Variants in PARD6A observed in about 807,000 individuals in gnomAD.
The protein encoded by PARD6A is partitioning defective 6 homolog alpha.
PARD6A carries 20 observed loss-of-function variants against 21.3 expected under a neutral mutation model. That is an observed-to-expected ratio of 0.94 (90% CI 0.66 to 1.36). The LOEUF (loss-of-function observed/expected upper bound fraction) is 1.36. Among genes scored for constraint, PARD6A ranks in the 40% most tolerant of loss-of-function variants. The pLI, the probability that PARD6A is intolerant of heterozygous loss-of-function variation, is 0.00. For missense variants in PARD6A, 411 were observed against 482.0 expected (o/e 0.85, Z 1.38); for synonymous variants, 214 against 204.8 (o/e 1.04, Z -0.38).
Position 67,662,669 on chromosome 16 carries a change from C to T in PARD6A, c.*22C>T. 2 of 1,517,400 alleles carry T rather than the reference C, an allele frequency of 1.3e-6. No individual in the cohort carries two copies. Among genetic ancestry groups the T allele is most frequent in the Non-Finnish European group, 1.8e-6 (2 of 1,132,898 alleles). 94.0% of individuals were successfully genotyped at this position (1,517,400 alleles called of 1,614,324 possible). A position where few individuals can be genotyped will look rare whatever the true frequency, so the allele number is the denominator to read the frequency against. On this transcript the variant is annotated 3_prime_UTR_variant, in exon 3 of 3. Transcript: ENST00000458121. This position sits in a 1 kb window ranked among gnomAD's most constrained non-coding sequence, Gnocchi z 6.9. ...CTGACAGTCAGGATGAAGCCCCATG[C>T]CACTCCACACTGCTGGGACATGGCA...
Position 67,662,375 on chromosome 16 carries a change from C to G in PARD6A, c.766C>G (p.Arg256Gly), listed in dbSNP as rs145012859. The part of the protein sequence containing the change: ...KPANQRNNVV[R>G]GASGRLTGPP... Reference sequence around the variant, plus strand: ...CGCCAACCAGCGCAATAACGTGGTGCGAGGGGCATCTGGGCGTTTGACAGG... The same window carrying G: ...CGCCAACCAGCGCAATAACGTGGTGGGAGGGGCATCTGGGCGTTTGACAGG... Residue 256 changes from arginine (R) to glycine (G), a missense_variant, in exon 3 of 3, where the codon CGA becomes GGA. Arg to Gly is a moderately radical substitution (Grantham distance 125). Transcript: ENST00000458121. This position sits in a 1 kb window ranked among gnomAD's most constrained non-coding sequence, Gnocchi z 6.9. 1 of 1,613,940 alleles carries G rather than the reference C, an allele frequency of 6.2e-7. No individual in the cohort carries two copies.
Position 67,661,444 on chromosome 16 carries a change from C to G in PARD6A, c.64-11C>G. 2 of 1,605,548 alleles carry G rather than the reference C, an allele frequency of 1.2e-6. No homozygotes were observed. Among genetic ancestry groups the G allele is most frequent in the South Asian group, 2.2e-5 (2 of 91,062 alleles). On this transcript the variant is annotated splice_polypyrimidine_tract_variant and intron_variant, in intron 1 of 2. Transcript: ENST00000458121. The surrounding 1 kb of genome is among the most constrained non-coding windows in gnomAD (Gnocchi z 7.0). ...TCCTGACTCCTCCTCTCCCCCAACCCCGACTTCCAGTTTGACGCCGAGTTC... is the reference window on the plus strand; with the variant it reads ...TCCTGACTCCTCCTCTCCCCCAACCGCGACTTCCAGTTTGACGCCGAGTTC...
rs775590382 is a variant in PARD6A at position 67,661,577 on chromosome 16, G to C, written c.186G>C (p.Thr62=). Residue 62 remains threonine, a synonymous_variant, in exon 2 of 3, where the codon ACG becomes ACC. Coordinates refer to ENST00000458121, the MANE Select transcript of PARD6A (RefSeq NM_001037281.2). This position sits in a 1 kb window ranked among gnomAD's most constrained non-coding sequence, Gnocchi z 7.0. ...IPGLDVLLGY[T]DAHGDLLPLT... ...GCCTGGACGTGCTACTTGGCTATACGGATGCTCATGGCGACCTGCTGCCCC... is the reference window on the plus strand; with the variant it reads ...GCCTGGACGTGCTACTTGGCTATACCGATGCTCATGGCGACCTGCTGCCCC... 1.2e-6 allele frequency: 2 copies of C among 1,610,268 alleles called. No individual in the cohort carries two copies. Among genetic ancestry groups the C allele is most frequent in the Non-Finnish European group, 1.7e-6 (2 of 1,179,944 alleles).
In PARD6A at chr16:67,661,475, C is replaced by G. The variant is rs772588545; in HGVS notation, c.84C>G (p.Arg28=). Residue 28 remains arginine, a synonymous_variant, in exon 2 of 3, where the codon CGC becomes CGG. Coordinates refer to ENST00000458121, the MANE Select transcript of PARD6A (RefSeq NM_001037281.2). This position sits in a 1 kb window ranked among gnomAD's most constrained non-coding sequence, Gnocchi z 7.0. ...VKSKFDAEFR[R]FALPRASVSG... is the part of the protein sequence containing the mutation. The stretch of plus-strand genomic sequence containing the variant: ...TCCAGTTTGACGCCGAGTTCCGACG[C>G]TTCGCGCTGCCTCGCGCTTCGGTGA... 3 of 1,608,460 alleles carry G rather than the reference C, an allele frequency of 1.9e-6. No individual in the cohort carries two copies. Among genetic ancestry groups the G allele is most frequent in the Non-Finnish European group, 2.5e-6 (3 of 1,179,968 alleles).
rs745488500 is a variant in PARD6A at position 67,661,025 on chromosome 16, C to T, written c.-14C>T. ...GCCGCCTGGGGCACCGTCCCCGGCC[C>T]GCCCGGCCCCGCCATGGCCCGGCCG... is the stretch of plus-strand genomic sequence containing the variant. On this transcript the variant is annotated 5_prime_UTR_variant, in exon 1 of 3. Coordinates refer to ENST00000458121, the MANE Select transcript of PARD6A (RefSeq NM_001037281.2). This position sits in a 1 kb window ranked among gnomAD's most constrained non-coding sequence, Gnocchi z 7.0. 4 of 1,494,882 alleles carry T rather than the reference C, an allele frequency of 2.7e-6. No individual in the cohort carries two copies. Among genetic ancestry groups the T allele is most frequent in the Non-Finnish European group, 1.8e-6 (2 of 1,114,066 alleles). 92.6% of individuals were successfully genotyped at this position (1,494,882 alleles called of 1,614,324 possible).
chr16:67,661,531 G>A lies in PARD6A; in HGVS notation c.140G>A (p.Arg47Gln). ...TTCCAGGAGTTCTCGCGGTTGCTGC[G>A]GGCGGTGCACCAGATCCCGGGCCTG... ...SGFQEFSRLL[R>Q]AVHQIPGLDV... Residue 47 changes from arginine to glutamine, a missense_variant, in exon 2 of 3, where the codon CGG becomes CAG. Arg to Gln is a conservative substitution (Grantham distance 43). Transcript: ENST00000458121. The surrounding 1 kb of genome is among the most constrained non-coding windows in gnomAD (Gnocchi z 7.0). 6.2e-7 allele frequency: 1 copy of A among 1,610,248 alleles called. No individual in the cohort carries two copies. The highest frequency in any genetic ancestry group is 1.3e-5 in the African/African-American group (1 of 75,058).
At position 67,661,711 on chromosome 16, in the gene PARD6A, G is replaced by A; in HGVS notation, c.286+34G>A. ...GGGTACAGTGGGCAGCCTCTGTGGG[G>A]TAAGGTGTCTGTGGGGCAGGTCTAC... On this transcript the variant is annotated intron_variant, in intron 2 of 2. Transcript: ENST00000458121. This position sits in a 1 kb window ranked among gnomAD's most constrained non-coding sequence, Gnocchi z 7.0. 2 of 1,597,932 alleles carry A rather than the reference G, an allele frequency of 1.3e-6. No homozygotes were observed. The highest frequency in any genetic ancestry group is 8.5e-7 in the Non-Finnish European group (1 of 1,177,172).
chr16:67,662,482 T>A lies in PARD6A; in HGVS notation c.873T>A (p.Pro291=). Residue 291 remains proline (P), a synonymous_variant, in exon 3 of 3, where the codon CCT becomes CCA. Transcript: ENST00000458121. The surrounding 1 kb of genome is among the most constrained non-coding windows in gnomAD (Gnocchi z 6.9). Reference sequence around the variant, plus strand: ...ACCTGGTCATTGAGAACCGCCAGCCTCCCAGTTCCAATGGGCTGTCTCAGG... The same window carrying A: ...ACCTGGTCATTGAGAACCGCCAGCCACCCAGTTCCAATGGGCTGTCTCAGG... ...SSDLVIENRQ[P]PSSNGLSQGP... 1 of 1,613,634 alleles carries A rather than the reference T, an allele frequency of 6.2e-7. No individual in the cohort carries two copies. Among genetic ancestry groups the A allele is most frequent in the Non-Finnish European group, 8.5e-7 (1 of 1,180,002 alleles).
chr16:67,661,254 G>A lies in PARD6A; in HGVS notation c.63+153G>A. ...CCCCATCCGTCTTCCTTCCTCCACTGCTGGTCTCCAGCTCTCTGTGGCCTG... is the reference window on the plus strand; with the variant it reads ...CCCCATCCGTCTTCCTTCCTCCACTACTGGTCTCCAGCTCTCTGTGGCCTG... On this transcript the variant is annotated intron_variant, in intron 1 of 2. Transcript: ENST00000458121. The surrounding 1 kb of genome is among the most constrained non-coding windows in gnomAD (Gnocchi z 7.0). 1 of 1,007,488 alleles carries A rather than the reference G, an allele frequency of 9.9e-7. No individual in the cohort carries two copies. The highest frequency in any genetic ancestry group is 1.5e-6 in the Non-Finnish European group (1 of 670,440). The allele number at this position is 1,007,488 out of a possible 1,614,324, so 62.4% of individuals were successfully genotyped here. A position where few individuals can be genotyped will look rare whatever the true frequency, so the allele number is the denominator to read the frequency against.
Position 67,662,467 on chromosome 16 carries a change from T to G in PARD6A, c.858T>G (p.Ile286Met). 1 of 1,613,516 alleles carries G rather than the reference T, an allele frequency of 6.2e-7. No homozygotes were observed. The highest frequency in any genetic ancestry group is 8.5e-7 in the Non-Finnish European group (1 of 1,179,908). The change falls in exon 3 of 3, where the codon ATT becomes ATG. Residue 286 changes from isoleucine to methionine, a missense_variant. Coordinates refer to ENST00000458121, the MANE Select transcript of PARD6A (RefSeq NM_001037281.2). This position sits in a 1 kb window ranked among gnomAD's most constrained non-coding sequence, Gnocchi z 6.9. ...ACGATGACAGCAGTGACCTGGTCAT[T>G]GAGAACCGCCAGCCTCCCAGTTCCA... ...DSDDDSSDLVIENRQPPSSNG... is the reference protein window; with the variant it reads ...DSDDDSSDLVMENRQPPSSNG...
rs1188999035 is a variant in PARD6A at position 67,661,371 on chromosome 16, C to A, written c.64-84C>A. The stretch of plus-strand genomic sequence containing the variant: ...AAGGCTGCCGCAAAAGCGGCAGCCG[C>A]ATCTTTCCCATTCCTGCCAGCCTGC... On this transcript the variant is annotated intron_variant, in intron 1 of 2. Coordinates refer to ENST00000458121, the MANE Select transcript of PARD6A (RefSeq NM_001037281.2). The surrounding 1 kb of genome is among the most constrained non-coding windows in gnomAD (Gnocchi z 7.0). The A allele has an allele frequency of 3.3e-6, 5 of 1,524,208 alleles. No homozygotes were observed. Among genetic ancestry groups the A allele is most frequent in the Admixed American group, 2.2e-5 (1 of 45,730 alleles). The allele number at this position is 1,524,208 out of a possible 1,614,324, so 94.4% of individuals were successfully genotyped here. A position where few individuals can be genotyped will look rare whatever the true frequency, so the allele number is the denominator to read the frequency against.
Position 67,661,148 on chromosome 16 carries a change from T to G in PARD6A, c.63+47T>G. ...GCCCTAGGCGCTCCCAATTCCCTCT[T>G]TCTCCCCTTCCCAGCTCCTTGGTCC... On this transcript the variant is annotated intron_variant, in intron 1 of 2. Transcript: ENST00000458121. This position sits in a 1 kb window ranked among gnomAD's most constrained non-coding sequence, Gnocchi z 7.0. 1 of 1,473,184 alleles carries G rather than the reference T, an allele frequency of 6.8e-7. No homozygotes were observed. The highest frequency in any genetic ancestry group is 9.5e-7 in the Non-Finnish European group (1 of 1,053,512). The allele number at this position is 1,473,184 out of a possible 1,614,324, so 91.3% of individuals were successfully genotyped here.
chr16:67,661,372 A>G lies in PARD6A; in HGVS notation c.64-83A>G. Reference sequence around the variant, plus strand: ...AGGCTGCCGCAAAAGCGGCAGCCGCATCTTTCCCATTCCTGCCAGCCTGCG... The same window carrying G: ...AGGCTGCCGCAAAAGCGGCAGCCGCGTCTTTCCCATTCCTGCCAGCCTGCG... On this transcript the variant is annotated intron_variant, in intron 1 of 2. Transcript: ENST00000458121. This position sits in a 1 kb window ranked among gnomAD's most constrained non-coding sequence, Gnocchi z 7.0. 3 of 1,527,114 alleles carry G rather than the reference A, an allele frequency of 2.0e-6. No homozygotes were observed. The highest frequency in any genetic ancestry group is 2.6e-6 in the Non-Finnish European group (3 of 1,147,010). The allele number at this position is 1,527,114 out of a possible 1,614,324, so 94.6% of individuals were successfully genotyped here. A position where few individuals can be genotyped will look rare whatever the true frequency, so the allele number is the denominator to read the frequency against.
chr16:67,661,183 C>G lies in PARD6A; in HGVS notation c.63+82C>G. 1 of 1,248,958 alleles carries G rather than the reference C, an allele frequency of 8.0e-7. No homozygotes were observed. The highest frequency in any genetic ancestry group is 1.2e-6 in the Non-Finnish European group (1 of 852,060). The allele number at this position is 1,248,958 out of a possible 1,614,324, so 77.4% of individuals were successfully genotyped here. ...CCCAGCTCCTTGGTCCCCGCCACCTCTTCCCTCTATCCTCCAAGTCCCATT... is the reference window on the plus strand; with the variant it reads ...CCCAGCTCCTTGGTCCCCGCCACCTGTTCCCTCTATCCTCCAAGTCCCATT... On this transcript the variant is annotated intron_variant, in intron 1 of 2. Transcript: ENST00000458121. This position sits in a 1 kb window ranked among gnomAD's most constrained non-coding sequence, Gnocchi z 7.0.
chr16:67,661,606 C>T lies in PARD6A; in HGVS notation c.215C>T (p.Thr72Ile). 6.2e-7 allele frequency: 1 copy of T among 1,608,974 alleles called. No individual in the cohort carries two copies. Among genetic ancestry groups the T allele is most frequent in the Non-Finnish European group, 8.5e-7 (1 of 1,179,932 alleles). The change falls in exon 2 of 3, where the codon ACC becomes ATC. Residue 72 changes from threonine to isoleucine, a missense_variant. By Grantham distance (89) the Thr-to-Ile change is moderately conservative. Transcript: ENST00000458121. The surrounding 1 kb of genome is among the most constrained non-coding windows in gnomAD (Gnocchi z 7.0). ...TDAHGDLLPL[T>I]NDDSLHRALA... ...GCTCATGGCGACCTGCTGCCCCTCA[C>T]CAACGACGACAGCCTGCACCGGGCC...
Position 67,661,847 on chromosome 16 carries a change from A to G in PARD6A, c.287-49A>G, listed in dbSNP as rs1271993862. ...TACAGTGCCCCCTGTAAACAGCCCA[A>G]GTCGGGGAGCAGGTCTCTGATCTCA... On this transcript the variant is annotated intron_variant, in intron 2 of 2. Coordinates refer to ENST00000458121, the MANE Select transcript of PARD6A (RefSeq NM_001037281.2). This position sits in a 1 kb window ranked among gnomAD's most constrained non-coding sequence, Gnocchi z 7.0. 1.3e-6 allele frequency: 2 copies of G among 1,541,742 alleles called. No individual in the cohort carries two copies. The highest frequency in any genetic ancestry group is 1.7e-6 in the Non-Finnish European group (2 of 1,151,406).
rs771559899 is a variant in PARD6A, at chr16:67,662,360, C to T, written c.751C>T (p.Arg251Cys). 3 of 1,614,098 alleles carry T rather than the reference C, an allele frequency of 1.9e-6. No homozygotes were observed. Among genetic ancestry groups the T allele is most frequent in the South Asian group, 1.1e-5 (1 of 91,086 alleles). Residue 251 changes from arginine (R) to cysteine (C), a missense_variant, in exon 3 of 3, where the codon CGC (arginine) becomes TGC (cysteine). Coordinates refer to ENST00000458121, the MANE Select transcript of PARD6A (RefSeq NM_001037281.2). This position sits in a 1 kb window ranked among gnomAD's most constrained non-coding sequence, Gnocchi z 6.9. ...TGTCACTGTCAAGCCCGCCAACCAG[C>T]GCAATAACGTGGTGCGAGGGGCATC... ...LIVTVKPANQRNNVVRGASGR... is the reference protein window; with the variant it reads ...LIVTVKPANQCNNVVRGASGR...
rs79241223 is a variant in PARD6A, at chr16:67,661,882, C to T, written c.287-14C>T. 1 of 1,569,916 alleles carries T rather than the reference C, an allele frequency of 6.4e-7. No individual in the cohort carries two copies. The highest frequency in any genetic ancestry group is 1.2e-5 in the South Asian group (1 of 85,138). On this transcript the variant is annotated splice_polypyrimidine_tract_variant and intron_variant, in intron 2 of 2. Transcript: ENST00000458121. This position sits in a 1 kb window ranked among gnomAD's most constrained non-coding sequence, Gnocchi z 7.0. ...CAGGTCTCTGATCTCAACATCCCCC[C>T]TCTTCTGCAGCAGAAGCTGACTCCA...
In PARD6A at chr16:67,661,279, G is replaced by A. The variant is rs1342069852; in HGVS notation, c.64-176G>A. On this transcript the variant is annotated intron_variant, in intron 1 of 2. Transcript: ENST00000458121. This position sits in a 1 kb window ranked among gnomAD's most constrained non-coding sequence, Gnocchi z 7.0. Reference sequence around the variant, plus strand: ...GCTGGTCTCCAGCTCTCTGTGGCCTGAGTACCTGGAGGGCGGTAAGAAGAC... The same window carrying A: ...GCTGGTCTCCAGCTCTCTGTGGCCTAAGTACCTGGAGGGCGGTAAGAAGAC... The A allele has an allele frequency of 4.4e-5, 45 of 1,024,170 alleles. No individual in the cohort carries two copies. The East Asian group carries it at 1.1e-3, about 25-fold the overall frequency. The allele number at this position is 1,024,170 out of a possible 1,614,324, so 63.4% of individuals were successfully genotyped here.
Sources: allele counts gnomAD v4.1 joint callset, GRCh38; gene constraint gnomAD v4.1.1; non-coding constraint Gnocchi (gnomAD v3.1); transcripts MANE v1.5; gene names NCBI Gene and HGNC (gene_info 2026-07-23, HGNC 2026-07-21).